SRGAP1: variants seen among roughly 807,000 people sequenced by gnomAD.
SRGAP1 encodes the protein SLIT-ROBO Rho GTPase activating protein 1, also known as SLIT-ROBO Rho GTPase-activating protein 1.
In SRGAP1, 43 loss-of-function variants were observed where a neutral mutation model predicts 121.9. The ratio of observed to expected loss-of-function variants is 0.35; its 90% CI spans 0.28 to 0.46. The LOEUF is 0.46. Ranked by LOEUF, SRGAP1 falls within the 20% of genes least tolerant of loss-of-function variation. The pLI is 1.00. For missense variants in SRGAP1, 1,102 were observed against 1,350.9 expected (o/e 0.82, Z 2.89); for synonymous variants, 447 against 485.4 (o/e 0.92, Z 1.04).
At chr12:64,139,719 T>G (rs1408606641) in intron 21 of SRGAP1, among the ~76,000 whole-genome samples, 2 of 151,872 alleles carry the variant, frequency 1.3e-5, no homozygotes, top group African/African-American at 2.4e-5. Flanking sequence ...GTAGTTTCTT[T>G]TGCTGTGCAG....
rs1172400785 is a variant in SRGAP1 at position 64,148,330 on chromosome 12, G to A, written c.*5658G>A. Reference sequence around the variant, plus strand: ...CGAATCTCTCTGTGTCACCCAGGCTGTAGTGCAGTGGTGCAATCTCAGCTC... The same window carrying A: ...CGAATCTCTCTGTGTCACCCAGGCTATAGTGCAGTGGTGCAATCTCAGCTC... On this transcript the variant is annotated 3_prime_UTR_variant, in exon 22 of 22. Transcript: ENST00000355086. 2.2e-5 allele frequency: 3 copies of A among 137,734 alleles called. No homozygotes were observed. The highest frequency in any genetic ancestry group is 3.1e-5 in the Non-Finnish European group (2 of 65,536). 8.5% of individuals were successfully genotyped at this position (137,734 alleles called of 1,614,324 possible).
Position 63,844,996 on chromosome 12 carries a change from C to G in SRGAP1, c.67+113C>G. The G allele has an allele frequency of 9.2e-7, 1 of 1,091,318 alleles. No homozygotes were observed. Among genetic ancestry groups the G allele is most frequent in the Non-Finnish European group, 1.4e-6 (1 of 714,966 alleles). The allele number at this position is 1,091,318 out of a possible 1,614,324, so 67.6% of individuals were successfully genotyped here. A position where few individuals can be genotyped will look rare whatever the true frequency, so the allele number is the denominator to read the frequency against. On this transcript the variant is annotated intron_variant, in intron 1 of 21. Coordinates refer to ENST00000355086, the MANE Select transcript of SRGAP1 (RefSeq NM_020762.4). This position sits in a 1 kb window ranked among gnomAD's most constrained non-coding sequence, Gnocchi z 4.3. ...TGGGAGGAAGGTGGTGAGGGGACAG[C>G]TCGAGCCCTGTCTGAGCCACCTGGG...
At chr12:64,068,835 C>T (rs886168870) in intron 8 of SRGAP1, among the ~76,000 whole-genome samples, 10 of 151,604 alleles carry the variant, frequency 6.6e-5, no homozygotes, top group Non-Finnish European at 1.3e-4. Context: ...CATGGCAAAA[C>T]GCCGTCTCTA....
rs533644807 is a variant in SRGAP1 at position 64,109,081 on chromosome 12, T to C, written c.1919+44T>C. On this transcript the variant is annotated intron_variant, in intron 16 of 21. Transcript: ENST00000355086. ...TGACAAAAGGCCCATCTGAATTCTG[T>C]CTTTGTTCTTCGATCCTGTAAAATG... 6.1e-6 allele frequency: 8 copies of C among 1,310,390 alleles called. No individual in the cohort carries two copies. In the East Asian group the frequency reaches 1.7e-4, roughly 28 times the overall value. The allele number at this position is 1,310,390 out of a possible 1,614,324, so 81.2% of individuals were successfully genotyped here.
intron 1 of SRGAP1, among the ~76,000 whole-genome samples, chr12:63,845,901 G>A (rs909930825): frequency 1.3e-5 from 2 of 152,154 alleles, no homozygotes; most frequent in African/African-American, 4.8e-5. Flanking sequence ...TTATGAAAGG[G>A]CTACGGAGAG....
intron 7 of SRGAP1, among the ~76,000 whole-genome samples, chr12:64,064,700 C>T (rs2035506708): frequency 6.6e-6 from 1 of 152,202 alleles, no homozygotes; most frequent in African/African-American, 2.4e-5. Flanking sequence ...CGTTCGAGTA[C>T]AACTGACGGA....
At chr12:64,047,386 A>G (rs1011035037) in intron 6 of SRGAP1, among the ~76,000 whole-genome samples, 2 of 152,178 alleles carry the variant, frequency 1.3e-5, no homozygotes, top group African/African-American at 4.8e-5. Context: ...AGAAACAGGT[A>G]GATTATTATG....
At chr12:63,857,075 A>T (rs1297925487) in intron 1 of SRGAP1, among the ~76,000 whole-genome samples, 4 of 150,482 alleles carry the variant, frequency 2.7e-5, no homozygotes, top group African/African-American at 9.7e-5. Flanking sequence ...TTATGCAGAA[A>T]TGCAATTTAC....
intron 14 of SRGAP1, among the ~76,000 whole-genome samples, 189 bp from the exon 15 acceptor site, chr12:64,097,052 A>C (rs1428637625): frequency 2.0e-5 from 3 of 152,170 alleles, no homozygotes; most frequent in Admixed American, 1.3e-4. Context: ...ATTTTAGTCA[A>C]CTGTTTTTAG....
chr12:64,054,563 C>T (rs2035302847), intron 6 of SRGAP1, among the ~76,000 whole-genome samples: 1 of 152,054 alleles, frequency 6.6e-6, no homozygotes, highest in Admixed American at 6.6e-5. Context: ...ACATGAACTC[C>T]TATTAGGAAG....
intron 6 of SRGAP1, among the ~76,000 whole-genome samples, chr12:64,050,761 G>C (rs953998719): frequency 6.6e-6 from 1 of 152,138 alleles, no homozygotes; most frequent in East Asian, 1.9e-4. Flanking sequence ...ATCTTGCTCT[G>C]TTGCCCAGGC....
chr12:64,139,291 G>A (rs2036919185), intron 21 of SRGAP1, among the ~76,000 whole-genome samples: 1 of 152,186 alleles, frequency 6.6e-6, no homozygotes, highest in Admixed American at 6.5e-5. Context: ...CTGTATCAGG[G>A]GAAGACTTAA....
At chr12:64,052,211 G>C (rs894358668) in intron 6 of SRGAP1, among the ~76,000 whole-genome samples, 1 of 152,130 alleles carries the variant, frequency 6.6e-6, no homozygotes, top group African/African-American at 2.4e-5. Flanking sequence ...GGAAGGAACT[G>C]TGACTGGGGA....
intron 3 of SRGAP1, among the ~76,000 whole-genome samples, chr12:64,001,272 T>C (rs1464640278): frequency 2.0e-5 from 3 of 152,356 alleles, no homozygotes; most frequent in Admixed American, 2.0e-4. Context: ...TTGTTATTCA[T>C]TTTAAAAAGC....
Position 64,091,188 on chromosome 12 carries a change from C to T in SRGAP1, c.1437-88C>T, listed in dbSNP as rs542106710. 2.8e-5 allele frequency: 24 copies of T among 846,144 alleles called. No individual in the cohort carries two copies. In the East Asian group the frequency reaches 3.6e-4, roughly 13 times the overall value. 52.4% of individuals were successfully genotyped at this position (846,144 alleles called of 1,614,324 possible). Reference sequence around the variant, plus strand: ...GGGAGGGGAAGGAACCCAAGATTCCCGTGTTTTGTAATATTGATGTGACCT... The same window carrying T: ...GGGAGGGGAAGGAACCCAAGATTCCTGTGTTTTGTAATATTGATGTGACCT... On this transcript the variant is annotated intron_variant, in intron 11 of 21. Transcript: ENST00000355086.
intron 4 of SRGAP1, among the ~76,000 whole-genome samples, chr12:64,022,968 C>G (rs763830089): frequency 2.0e-5 from 3 of 151,892 alleles, no homozygotes; most frequent in African/African-American, 7.3e-5. Flanking sequence ...TGAGTTGATA[C>G]AGGTAAAGCA....
chr12:63,848,243 T>C (rs1898967578), intron 1 of SRGAP1, among the ~76,000 whole-genome samples: 1 of 151,972 alleles, frequency 6.6e-6, no homozygotes, highest in Non-Finnish European at 1.5e-5. Flanking sequence ...TGACCTCAGG[T>C]GATCCACCTG....
At chr12:64,046,823 A>G (rs1266212720) in intron 6 of SRGAP1, among the ~76,000 whole-genome samples, 1 of 152,116 alleles carries the variant, frequency 6.6e-6, no homozygotes, top group Admixed American at 6.6e-5. Flanking sequence ...TGTCATGGAT[A>G]TTTATTGAGT....
At chr12:63,976,508 C>T (rs2033100268) in intron 1 of SRGAP1, among the ~76,000 whole-genome samples, 1 of 152,144 alleles carries the variant, frequency 6.6e-6, no homozygotes, top group Non-Finnish European at 1.5e-5. Flanking sequence ...TCTGTGTTGC[C>T]TCTGCTTCCT....
Sources: allele counts gnomAD v4.1 joint callset (sites outside exome capture counted in the v4.1 genomes callset), GRCh38; gene constraint gnomAD v4.1.1; non-coding constraint Gnocchi (gnomAD v3.1); transcripts MANE v1.5; gene names NCBI Gene and HGNC (gene_info 2026-07-23, HGNC 2026-07-21).